LAMA4: variants seen among roughly 807,000 people sequenced by gnomAD.
The protein encoded by LAMA4 is laminin subunit alpha 4, also known as laminin subunit alpha-4.
Under a neutral mutation model 207.1 loss-of-function variants are expected in LAMA4, and 127 were observed. The observed-to-expected ratio is 0.61, with a 90% CI of 0.53 to 0.71. The LOEUF (loss-of-function observed/expected upper bound fraction) is 0.71, where lower values mean the gene tolerates loss of function less well. Ranked by LOEUF, LAMA4 falls within the 30% of genes least tolerant of loss-of-function variation. The probability of loss-of-function intolerance (pLI) is 0.00; values close to 1 mark genes in which losing one functional copy is unlikely to be tolerated. For synonymous variants in LAMA4, 761 were observed against 816.0 expected (o/e 0.93, Z 1.15); for missense variants, 2,093 against 2,246.5 (o/e 0.93, Z 1.38).
intron 2 of LAMA4, among the ~76,000 whole-genome samples, chr6:112,245,573 G>A (rs914430276): frequency 6.6e-6 from 1 of 152,096 alleles, no homozygotes; most frequent in Admixed American, 6.5e-5. Context: ...CTCCAAAATG[G>A]CATAATTTCA....
chr6:112,182,239 T>C (rs1352761303), intron 9 of LAMA4, among the ~76,000 whole-genome samples: 1 of 152,158 alleles, frequency 6.6e-6, no homozygotes, highest in East Asian at 1.9e-4. Context: ...CCAAAATTCA[T>C]GGTTGTTCAA....
At chr6:112,209,275 T>G (rs1784235632) in intron 3 of LAMA4, among the ~76,000 whole-genome samples, 1 of 152,208 alleles carries the variant, frequency 6.6e-6, no homozygotes, top group Non-Finnish European at 1.5e-5. Flanking sequence ...TAGGCCATTC[T>G]TTGTGCCCAA....
intron 12 of LAMA4, chr6:112,172,025 A>T (rs1309480926): frequency 6.5e-6 from 1 of 155,030 alleles, no homozygotes; most frequent in African/African-American, 2.4e-5. Flanking sequence ...CTGTGAATAC[A>T]TGCATTGCTT....
In LAMA4 at chr6:112,185,244, A is replaced by G. The variant is rs1782614192; in HGVS notation, c.1070T>C (p.Val357Ala). The G allele has an allele frequency of 1.3e-6, 2 of 1,596,970 alleles. No individual in the cohort carries two copies. The highest frequency in any genetic ancestry group is 1.7e-5 in the Admixed American group (1 of 59,974). Residue 357 changes from valine to alanine, a missense_variant, in exon 9 of 39, where the codon GTT becomes GCT. Around this residue, in one of 3 missense-constraint regions of LAMA4, gnomAD observed 1,704 missense variants for 1,788.4 expected, o/e 0.95. Coordinates refer to ENST00000230538, the MANE Select transcript of LAMA4 (RefSeq NM_001105206.3). ...GAATACATACATACGTACCTTTTCA[A>G]CTAATTCCTCTACGTCAGACAGAAG... The part of the protein sequence containing the change: ...KSLLSDVEEL[V>A]EKENQASRKG...
chr6:112,109,651 G>T, intron 38 of LAMA4, 69 bp from the exon 39 acceptor site: 1 of 1,463,376 alleles, frequency 6.8e-7, no homozygotes, highest in Non-Finnish European at 9.4e-7. Flanking sequence ...TTACTTCCTG[G>T]TAAAAGTATA....
intron 18 of LAMA4, among the ~76,000 whole-genome samples, chr6:112,146,043 A>C (rs1780008352): frequency 6.6e-6 from 1 of 152,180 alleles, no homozygotes; most frequent in African/African-American, 2.4e-5. Flanking sequence ...TAATCCCAGA[A>C]CTTTGGGAGG....
intron 2 of LAMA4, among the ~76,000 whole-genome samples, chr6:112,253,185 A>G (rs1787585863): frequency 6.6e-6 from 1 of 152,126 alleles, no homozygotes; most frequent in Non-Finnish European, 1.5e-5. Context: ...CCCTCTTAGC[A>G]TGTCCCATGC....
chr6:112,230,074 C>G (rs1407809730), intron 2 of LAMA4, among the ~76,000 whole-genome samples: 1 of 151,896 alleles, frequency 6.6e-6, no homozygotes, highest in African/African-American at 2.4e-5. Context: ...GGTATTACTT[C>G]TTTAGCATTT....
At chr6:112,180,697 T>C (rs1478359788) in intron 9 of LAMA4, among the ~76,000 whole-genome samples, 1 of 152,136 alleles carries the variant, frequency 6.6e-6, no homozygotes, top group Non-Finnish European at 1.5e-5. Context: ...ATAACCAATA[T>C]CTAGGGTGAT....
At chr6:112,166,968 A>C (rs1781418352) in intron 12 of LAMA4, among the ~76,000 whole-genome samples, 1 of 152,212 alleles carries the variant, frequency 6.6e-6, no homozygotes, top group Non-Finnish European at 1.5e-5. Context: ...GGTATATAGT[A>C]ATCCCTAAAC....
rs150546245 is a variant in LAMA4 at position 112,148,193 on chromosome 6, C to T, written c.2317G>A (p.Ala773Thr). ...GCAGAGTTCACTGCAGTGTTGTAAG[C>T]AGAAGAGTCAAAATGTTGAAGATTC... Reference protein sequence around the residue: ...SQNLQHFDSSAYNTAVNSARD... With the variant: ...SQNLQHFDSSTYNTAVNSARD... Residue 773 changes from alanine (A) to threonine (T), a missense_variant, in exon 18 of 39, where the codon GCT becomes ACT. Physicochemically the swap from Ala to Thr is moderately conservative, Grantham distance 58. This residue lies in a region of LAMA4 where 1,704 missense variants were observed against 1,788.4 expected (regional missense o/e 0.95). Transcript: ENST00000230538. The T allele has an allele frequency of 6.8e-6, 11 of 1,614,162 alleles. No individual in the cohort carries two copies. The highest frequency in any genetic ancestry group is 8.5e-6 in the Non-Finnish European group (10 of 1,180,006).
At chr6:112,221,053 G>T (rs1360834808) in intron 2 of LAMA4, among the ~76,000 whole-genome samples, 1 of 152,036 alleles carries the variant, frequency 6.6e-6, no homozygotes, top group Non-Finnish European at 1.5e-5. Flanking sequence ...GATCTTCTAG[G>T]GATCTAAGGT....
intron 9 of LAMA4, 163 bp from the exon 10 acceptor site, chr6:112,178,395 G>T: frequency 1.6e-6 from 1 of 643,192 alleles, no homozygotes; most frequent in Non-Finnish European, 2.8e-6. Context: ...ATGCATGAAA[G>T]GTAATGTGAT....
rs1055477410 is a variant in LAMA4, at chr6:112,158,935, T to C, written c.1669-55A>G. The C allele has an allele frequency of 1.2e-4, 149 of 1,230,034 alleles. No individual in the cohort carries two copies. In the Middle Eastern group the frequency reaches 2.8e-3, roughly 23 times the overall value. 76.2% of individuals were successfully genotyped at this position (1,230,034 alleles called of 1,614,324 possible). A position where few individuals can be genotyped will look rare whatever the true frequency, so the allele number is the denominator to read the frequency against. ...GAATTTAGAAGAACTTAAAACATTTTTCCTAGGCACCAAAAGATAATCTCT... is the reference window on the plus strand; with the variant it reads ...GAATTTAGAAGAACTTAAAACATTTCTCCTAGGCACCAAAAGATAATCTCT... On this transcript the variant is annotated intron_variant, in intron 13 of 38. Coordinates refer to ENST00000230538, the MANE Select transcript of LAMA4 (RefSeq NM_001105206.3).
chr6:112,222,256 A>G (rs1253155905), intron 2 of LAMA4, among the ~76,000 whole-genome samples: 2 of 152,220 alleles, frequency 1.3e-5, no homozygotes, highest in South Asian at 2.1e-4. Flanking sequence ...TAATTTTTAG[A>G]TTTTGACAGC....
intron 5 of LAMA4, among the ~76,000 whole-genome samples, chr6:112,199,291 G>A (rs782066430): frequency 7.9e-5 from 12 of 152,136 alleles, no homozygotes; most frequent in Non-Finnish European, 1.2e-4. Context: ...ACTTCTGCGA[G>A]CTTTGCATTT....
Position 112,117,981 on chromosome 6 carries a change from T to C in LAMA4, c.4822-83A>G. On this transcript the variant is annotated intron_variant, in intron 34 of 38. Transcript: ENST00000230538. This position sits in a 1 kb window ranked among gnomAD's most constrained non-coding sequence, Gnocchi z 4.5. ...AAGCAAAATGAGGGGGTTTGAGTCC[T>C]GAAGGAACCCACGTAATTCCTTGTT... is the stretch of plus-strand genomic sequence containing the variant. 9.1e-7 allele frequency: 1 copy of C among 1,101,202 alleles called. No individual in the cohort carries two copies. The highest frequency in any genetic ancestry group is 1.4e-6 in the Non-Finnish European group (1 of 720,438). The allele number at this position is 1,101,202 out of a possible 1,614,324, so 68.2% of individuals were successfully genotyped here. A position where few individuals can be genotyped will look rare whatever the true frequency, so the allele number is the denominator to read the frequency against.
intron 9 of LAMA4, chr6:112,179,032 T>C (rs951621670): frequency 1.2e-4 from 19 of 152,364 alleles, no homozygotes; most frequent in African/African-American, 4.6e-4. Context: ...CTCACTGGCC[T>C]AACATGCTGT....
chr6:112,158,998 A>G, intron 13 of LAMA4, 118 bp from the exon 14 acceptor site: 2 of 722,814 alleles, frequency 2.8e-6, no homozygotes, highest in South Asian at 1.6e-5. Context: ...ATTTCAGTGC[A>G]GGACCACATA....
Sources: gnomAD v4.1 joint callset for allele counts (sites outside exome capture counted in the v4.1 genomes callset) on GRCh38, gnomAD v4.1.1 for gene constraint, gnomAD v4.1.1 regional missense constraint, Gnocchi (gnomAD v3.1) non-coding constraint, MANE v1.5 for transcripts, NCBI Gene and HGNC (gene_info 2026-07-23, HGNC 2026-07-21) for gene names.